Variants in RANBP17 observed in about 807,000 individuals in gnomAD.
RANBP17 encodes the protein ran-binding protein 17.
RANBP17 carries 158 observed loss-of-function variants against 141.2 expected under a neutral mutation model. The observed-to-expected ratio is 1.12, with a 90% confidence interval of 0.98 to 1.28. The LOEUF (loss-of-function observed/expected upper bound fraction) is 1.28. Ranked by LOEUF, RANBP17 falls within the 50% of genes most tolerant of loss-of-function variation. The pLI is 0.00. For synonymous variants in RANBP17, 430 were observed against 450.0 expected, an observed-to-expected ratio of 0.96 and a Z score of 0.56; for missense variants, 1,438 against 1,290.7, an observed-to-expected ratio of 1.11 and a Z score of -1.75.
intron 19 of RANBP17, among the ~76,000 whole-genome samples, chr5:171,204,210 A>G (rs1266946801): frequency 6.6e-6 from 1 of 152,238 alleles, no homozygotes; most frequent in Non-Finnish European, 1.5e-5. Context: ...AGAAATTCAG[A>G]TAACCATCAT....
chr5:171,046,776 A>G (rs1782615922), intron 14 of RANBP17, among the ~76,000 whole-genome samples: 1 of 152,232 alleles, frequency 6.6e-6, no homozygotes, highest in Non-Finnish European at 1.5e-5. Context: ...ACCTCACTCC[A>G]TTATCTTGCC....
At chr5:171,157,917 C>T (rs1759019633) in intron 14 of RANBP17, among the ~76,000 whole-genome samples, 3 of 152,196 alleles carry the variant, frequency 2.0e-5, no homozygotes, top group African/African-American at 4.8e-5. Flanking sequence ...GCCTGCCTAG[C>T]GTATCTGGTC....
intron 3 of RANBP17, among the ~76,000 whole-genome samples, chr5:170,891,584 T>C (rs756494005): frequency 2.6e-5 from 4 of 152,176 alleles, no homozygotes; most frequent in African/African-American, 4.8e-5. Context: ...ACGGTTAGCA[T>C]GGCTGGGGAG....
At chr5:171,242,540 A>G (rs1764944959) in intron 23 of RANBP17, 142 bp from the exon 24 acceptor site, 1 of 806,486 alleles carries the variant, frequency 1.2e-6, no homozygotes, top group Non-Finnish European at 2.0e-6. Flanking sequence ...GGGACTCATT[A>G]TGTCATTTGC....
rs17680600 is a variant in RANBP17, at chr5:171,299,387, A to G, written c.*529A>G. ...ACTACAGAGCATCCCACAGGACCAC[A>G]CGCAGGCCTCCCTGCCTCAGCTGCA... On this transcript the variant is annotated 3_prime_UTR_variant, in exon 28 of 28. Transcript: ENST00000523189. The G allele has an allele frequency of 0.092, 21,276 of 231,996 alleles. 1,243 individuals carry two copies. Among genetic ancestry groups the G allele is most frequent in the Admixed American group, 0.16 (2,879 of 17,758 alleles). 14.4% of individuals were successfully genotyped at this position (231,996 alleles called of 1,614,324 possible).
chr5:170,941,971 GC>G (rs1000137814), intron 12 of RANBP17, among the ~76,000 whole-genome samples: 51 of 152,292 alleles, frequency 3.3e-4, no homozygotes, highest in African/African-American at 1.0e-3. Flanking sequence ...CTGGTTCATG[GC>G]TTGCCAGGAA....
chr5:171,047,367 C>T (rs1229618180), intron 14 of RANBP17, among the ~76,000 whole-genome samples: 1 of 151,334 alleles, frequency 6.6e-6, no homozygotes, highest in South Asian at 2.1e-4. Context: ...TTTTTTTTTC[C>T]ACAAACTTAA....
At chr5:170,935,137 A>G (rs1338933031) in intron 12 of RANBP17, among the ~76,000 whole-genome samples, 2 of 152,174 alleles carry the variant, frequency 1.3e-5, no homozygotes, top group Non-Finnish European at 2.9e-5. Flanking sequence ...TTCTCGTGCC[A>G]TGGTTTTCAG....
At chr5:170,964,897 C>A (rs1343299729) in intron 13 of RANBP17, among the ~76,000 whole-genome samples, 1 of 152,060 alleles carries the variant, frequency 6.6e-6, no homozygotes, top group Non-Finnish European at 1.5e-5. Flanking sequence ...ATTTATAGTC[C>A]TTTGGGTATA....
intron 14 of RANBP17, among the ~76,000 whole-genome samples, chr5:171,118,410 AT>A (rs565941197): frequency 6.6e-6 from 1 of 151,044 alleles, no homozygotes. Context: ...GACTTTTAGG[AT>A]TTTTTTTTCT....
Position 170,862,039 on chromosome 5 carries a change from G to T in RANBP17, c.6G>T (p.Ala2=). 6.8e-7 allele frequency: 1 copy of T among 1,463,288 alleles called. No individual in the cohort carries two copies. Among genetic ancestry groups the T allele is most frequent in the Non-Finnish European group, 9.0e-7 (1 of 1,114,608 alleles). 90.6% of individuals were successfully genotyped at this position (1,463,288 alleles called of 1,614,324 possible). A position where few individuals can be genotyped will look rare whatever the true frequency, so the allele number is the denominator to read the frequency against. The change falls in exon 1 of 28, where the codon GCG becomes GCT. Residue 2 remains alanine, a synonymous_variant. Transcript: ENST00000523189. ...CGGCGCCGCCTCCTGGGAAGATGGC[G>T]CTGCACTTCCAGGTCAGTGTGCTCT... M[A]LHFQSLAELE...
intron 13 of RANBP17, among the ~76,000 whole-genome samples, chr5:170,965,289 T>C (rs1271816103): frequency 6.6e-6 from 1 of 151,662 alleles, no homozygotes; most frequent in African/African-American, 2.4e-5. Flanking sequence ...TTGTAGATTC[T>C]GGATATTAGC....
chr5:171,052,261 T>C (rs563139460), intron 14 of RANBP17, among the ~76,000 whole-genome samples: 3 of 152,342 alleles, frequency 2.0e-5, no homozygotes, highest in African/African-American at 7.2e-5. Context: ...ATTTTGAGGA[T>C]GTCTAATTTA....
chr5:171,258,945 G>A (rs1450972795), intron 24 of RANBP17, among the ~76,000 whole-genome samples: 1 of 152,144 alleles, frequency 6.6e-6, no homozygotes, highest in Non-Finnish European at 1.5e-5. Flanking sequence ...ACAACCTGTT[G>A]AATGGGAGAG....
chr5:171,043,757 A>G (rs1212941830), intron 14 of RANBP17, among the ~76,000 whole-genome samples: 5 of 152,074 alleles, frequency 3.3e-5, no homozygotes, highest in East Asian at 1.9e-4. Context: ...CTGCCATTCT[A>G]TGGTTCTGAT....
chr5:171,064,779 C>G (rs1284520592), intron 14 of RANBP17, among the ~76,000 whole-genome samples: 1 of 152,046 alleles, frequency 6.6e-6, no homozygotes, highest in Non-Finnish European at 1.5e-5. Context: ...CTTCTGCCTC[C>G]CAAAGTACTG....
chr5:171,105,975 G>C (rs1754801969), intron 14 of RANBP17, among the ~76,000 whole-genome samples: 1 of 152,206 alleles, frequency 6.6e-6, no homozygotes, highest in Admixed American at 6.5e-5. Context: ...TGCACTGCAA[G>C]GGGTAAATTG....
chr5:171,034,304 A>G (rs1254593838), intron 14 of RANBP17, among the ~76,000 whole-genome samples: 1 of 152,140 alleles, frequency 6.6e-6, no homozygotes, highest in East Asian at 1.9e-4. Flanking sequence ...ATTACAAGCC[A>G]CTTACACATT....
intron 14 of RANBP17, among the ~76,000 whole-genome samples, chr5:171,162,116 C>T (rs1264668285): frequency 1.3e-5 from 2 of 152,192 alleles, no homozygotes; most frequent in African/African-American, 2.4e-5. Flanking sequence ...CATCTGGTGC[C>T]ATAGCCATAG....
Sources: gnomAD v4.1 joint callset for allele counts (sites outside exome capture counted in the v4.1 genomes callset) on GRCh38, gnomAD v4.1.1 for gene constraint, MANE v1.5 for transcripts, NCBI Gene and HGNC (gene_info 2026-07-23, HGNC 2026-07-21) for gene names.